Variants in CLMN observed in about 807,000 individuals in gnomAD.
CLMN encodes calmin (calponin-like, transmembrane).
CLMN carries 57 observed loss-of-function variants against 92.7 expected under a neutral mutation model. That is an observed-to-expected ratio of 0.61 (90% CI 0.50 to 0.77). CLMN has a LOEUF of 0.77. CLMN is among the 30% of genes least tolerant of loss of function. The pLI is 0.00. For missense variants in CLMN, 1,158 were observed against 1,237.5 expected, an observed-to-expected ratio of 0.94 and a Z score of 0.96; for synonymous variants, 466 against 470.6, an observed-to-expected ratio of 0.99 and a Z score of 0.13.
chr14:95,314,320 C>A (rs371562139), intron 1 of CLMN, among the ~76,000 whole-genome samples: 11 of 152,152 alleles, frequency 7.2e-5, no homozygotes, highest in African/African-American at 2.7e-4. Flanking sequence ...ACATTTTCTA[C>A]CCAGGACACT....
intron 10 of CLMN, among the ~76,000 whole-genome samples, chr14:95,195,139 C>T (rs538273081): frequency 5.9e-5 from 9 of 152,204 alleles, no homozygotes; most frequent in Non-Finnish European, 1.0e-4. Flanking sequence ...ACCTCTTTCT[C>T]CCTCTCCTGA....
intron 1 of CLMN, among the ~76,000 whole-genome samples, chr14:95,278,469 A>G (rs1439400386): frequency 6.6e-6 from 1 of 152,066 alleles, no homozygotes; most frequent in African/African-American, 2.4e-5. Context: ...ATAATTTCTA[A>G]CAGCCCGAGA....
At chr14:95,287,839 A>T in intron 1 of CLMN, among the ~76,000 whole-genome samples, 1 of 152,166 alleles carries the variant, frequency 6.6e-6, no homozygotes, top group Non-Finnish European at 1.5e-5. Flanking sequence ...GAGGGCAGAG[A>T]GGCTCCTAGC....
rs558991340 is a variant in CLMN, at chr14:95,290,191, T to A, written c.82+29520A>T. The stretch of plus-strand genomic sequence containing the variant: ...GCCACTCAGGTGCAATGGGTCCTAG[T>A]GCTAAACCCTTACCATGATGCCCTG... On this transcript the variant is annotated intron_variant, in intron 1 of 12. Coordinates refer to ENST00000298912, the MANE Select transcript of CLMN (RefSeq NM_024734.4). Among the ~76,000 whole-genome samples the A allele has an allele frequency of 1.5e-4, 23 of 152,362 alleles. No individual in the cohort carries two copies. The South Asian group carries it at 2.5e-3, about 16-fold the overall frequency.
At chr14:95,235,077 C>G (rs753709398) in intron 1 of CLMN, among the ~76,000 whole-genome samples, 50 of 152,238 alleles carry the variant, frequency 3.3e-4, no homozygotes, top group Non-Finnish European at 5.7e-4. Context: ...AATTGCTTGA[C>G]ATTTCATTAT....
chr14:95,191,621 C>T lies in CLMN; in HGVS notation c.2952G>A (p.Leu984=), dbSNP rs1320559192. The T allele has an allele frequency of 6.2e-7, 1 of 1,613,796 alleles. No homozygotes were observed. Residue 984 remains leucine (L), a synonymous_variant, in exon 13 of 13, where the codon CTG becomes CTA. Coordinates refer to ENST00000298912, the MANE Select transcript of CLMN (RefSeq NM_024734.4). This position sits in a 1 kb window ranked among gnomAD's most constrained non-coding sequence, Gnocchi z 5.3. ...QPDMMYFILF[L]WLLVYCLLLF... ...GCAGCAAGCAGTACACCAGGAGCCA[C>T]AGGAAGAGAATAAAATACATCATAT...
At chr14:95,316,942 C>T (rs1359201549) in intron 1 of CLMN, among the ~76,000 whole-genome samples, 1 of 152,178 alleles carries the variant, frequency 6.6e-6, no homozygotes, top group African/African-American at 2.4e-5. Flanking sequence ...TAAGATCCCA[C>T]TGTAGCCCTC....
chr14:95,274,031 T>A (rs527523994), intron 1 of CLMN, among the ~76,000 whole-genome samples: 1 of 152,348 alleles, frequency 6.6e-6, no homozygotes, highest in South Asian at 2.1e-4. Flanking sequence ...ACGGGTCCTT[T>A]ACCGATGTAG....
chr14:95,293,456 T>G (rs1900683640), intron 1 of CLMN, among the ~76,000 whole-genome samples: 1 of 150,652 alleles, frequency 6.6e-6, no homozygotes, highest in Non-Finnish European at 1.5e-5. Context: ...TATTTTCAAG[T>G]TTTCTCTGAC....
chr14:95,284,951 T>G (rs1217042929), intron 1 of CLMN, among the ~76,000 whole-genome samples: 2 of 152,144 alleles, frequency 1.3e-5, no homozygotes, highest in Non-Finnish European at 2.9e-5. Context: ...ATGGTTTGGC[T>G]GTGTCCCCAC....
At chr14:95,212,742 G>A (rs1157271977) in intron 6 of CLMN, among the ~76,000 whole-genome samples, 1 of 151,004 alleles carries the variant, frequency 6.6e-6, no homozygotes, top group Non-Finnish European at 1.5e-5. Context: ...CATTTTGTGT[G>A]TACTGCAAAA....
intron 1 of CLMN, among the ~76,000 whole-genome samples, chr14:95,281,196 C>T (rs1229396391): frequency 6.6e-6 from 1 of 152,172 alleles, no homozygotes; most frequent in African/African-American, 2.4e-5. Context: ...CCAACTCATA[C>T]AAGTATTTAC....
At chr14:95,258,163 G>A (rs1242486814) in intron 1 of CLMN, among the ~76,000 whole-genome samples, 2 of 151,952 alleles carry the variant, frequency 1.3e-5, no homozygotes, top group Non-Finnish European at 2.9e-5. Context: ...GTGTAGTGTT[G>A]TGTATATGTG....
intron 1 of CLMN, among the ~76,000 whole-genome samples, chr14:95,232,201 G>C (rs528036874): frequency 1.3e-5 from 2 of 152,236 alleles, no homozygotes; most frequent in Non-Finnish European, 2.9e-5. Context: ...GTGAGGGTGC[G>C]TGGTGGCCTG....
At chr14:95,193,320 T>G (rs1308049235) in intron 12 of CLMN, 1 of 1,531,576 alleles carries the variant, frequency 6.5e-7, no homozygotes, top group Admixed American at 2.0e-5. Context: ...AAGAAATACT[T>G]TCATAGACAT....
chr14:95,292,953 G>T (rs1244170719), intron 1 of CLMN, among the ~76,000 whole-genome samples: 3 of 152,196 alleles, frequency 2.0e-5, no homozygotes, highest in South Asian at 2.1e-4. Flanking sequence ...GCAGGAGAAA[G>T]AAGTGGGTAA....
intron 1 of CLMN, among the ~76,000 whole-genome samples, chr14:95,264,143 G>A (rs949413492): frequency 2.0e-5 from 3 of 151,896 alleles, no homozygotes; most frequent in South Asian, 2.1e-4. Flanking sequence ...GGGTTCCAGC[G>A]ATCCTCCCAC....
At chr14:95,297,484 A>G (rs1900853716) in intron 1 of CLMN, among the ~76,000 whole-genome samples, 1 of 152,152 alleles carries the variant, frequency 6.6e-6, no homozygotes, top group South Asian at 2.1e-4. Context: ...ATCACTCCCA[A>G]AATTCCTTTG....
intron 1 of CLMN, among the ~76,000 whole-genome samples, chr14:95,303,850 A>G (rs1901162862): frequency 6.6e-6 from 1 of 152,228 alleles, no homozygotes; most frequent in Non-Finnish European, 1.5e-5. Context: ...GACGGACCCA[A>G]CTGGGCTTCT....
Sources: allele counts gnomAD v4.1 joint callset (sites outside exome capture counted in the v4.1 genomes callset), GRCh38; gene constraint gnomAD v4.1.1; non-coding constraint Gnocchi (gnomAD v3.1); transcripts MANE v1.5; gene names NCBI Gene and HGNC (gene_info 2026-07-23, HGNC 2026-07-21).